The following PTPRM variants were observed in gnomAD, a reference collection of about 807,000 sequenced individuals.
The protein encoded by PTPRM is receptor-type tyrosine-protein phosphatase mu.
In PTPRM, 47 loss-of-function variants were observed where a neutral mutation model predicts 186.7. That is an observed-to-expected ratio of 0.25 (90% CI 0.20 to 0.32). PTPRM has a LOEUF of 0.32. PTPRM is among the 10% of genes least tolerant of loss of function. The probability of loss-of-function intolerance (pLI) is 1.00; values close to 1 mark genes in which losing one functional copy is unlikely to be tolerated. For synonymous variants in PTPRM, 668 were observed against 674.9 expected (o/e 0.99, Z 0.16); for missense variants, 1,494 against 1,865.0 (o/e 0.80, Z 3.66).
intron 2 of PTPRM, among the ~76,000 whole-genome samples, chr18:7,836,123 C>T (rs2046036308): frequency 6.6e-6 from 1 of 152,016 alleles, no homozygotes; most frequent in Non-Finnish European, 1.5e-5. Context: ...AGGACTTACT[C>T]CTGCCATTTT....
intron 19 of PTPRM, among the ~76,000 whole-genome samples, chr18:8,280,410 T>TG (rs34651192): frequency 1.4e-3 from 185 of 136,000 alleles, no homozygotes; most frequent in East Asian, 9.9e-3. Context: ...TGGTCGGGGG[T>TG]GGGGGGGGGG....
chr18:7,907,323 G>A (rs978202965), intron 4 of PTPRM, among the ~76,000 whole-genome samples: 14 of 152,330 alleles, frequency 9.2e-5, no homozygotes, highest in African/African-American at 3.4e-4. Flanking sequence ...GTAGCTGCTT[G>A]AAGCAGAAAA....
chr18:7,717,135 G>T (rs1195852794), intron 1 of PTPRM, among the ~76,000 whole-genome samples: 1 of 152,086 alleles, frequency 6.6e-6, no homozygotes, highest in Admixed American at 6.5e-5. Flanking sequence ...AAAGGGATGG[G>T]GTTTCTGGTG....
In PTPRM at chr18:7,567,975, G is replaced by C. The variant is rs1292547801; in HGVS notation, c.73+84G>C. Reference sequence around the variant, plus strand: ...ACGCCGACAGCTCCCTGGTGGTAGAGCCCTAAGGCTGGCGTCGGGGCCGGG... The same window carrying C: ...ACGCCGACAGCTCCCTGGTGGTAGACCCCTAAGGCTGGCGTCGGGGCCGGG... On this transcript the variant is annotated intron_variant, in intron 1 of 32. Coordinates refer to ENST00000580170, the MANE Select transcript of PTPRM (RefSeq NM_001105244.2). This position sits in a 1 kb window ranked among gnomAD's most constrained non-coding sequence, Gnocchi z 4.3. 7.5e-7 allele frequency: 1 copy of C among 1,336,236 alleles called. No homozygotes were observed. Among genetic ancestry groups the C allele is most frequent in the Non-Finnish European group, 9.8e-7 (1 of 1,022,260 alleles). 82.8% of individuals were successfully genotyped at this position (1,336,236 alleles called of 1,614,324 possible).
chr18:7,981,977 G>C (rs1010739722), intron 7 of PTPRM, among the ~76,000 whole-genome samples: 2 of 152,110 alleles, frequency 1.3e-5, no homozygotes, highest in South Asian at 4.1e-4. Flanking sequence ...AGTTGCTCTG[G>C]GTGTCAGGGA....
chr18:8,378,130 C>G (rs1422319905), intron 26 of PTPRM, 135 bp from the exon 27 acceptor site: 1 of 871,694 alleles, frequency 1.1e-6, no homozygotes, highest in Admixed American at 2.7e-5. Context: ...TCTCCTAGCA[C>G]TTGAGCCCTT....
At chr18:7,739,232 G>A (rs1568066022) in intron 1 of PTPRM, among the ~76,000 whole-genome samples, 1 of 152,034 alleles carries the variant, frequency 6.6e-6, no homozygotes, top group Non-Finnish European at 1.5e-5. Context: ...CCAAACCACA[G>A]TAAAGTGGTC....
At chr18:7,572,913 T>C (rs1466352677) in intron 1 of PTPRM, among the ~76,000 whole-genome samples, 1 of 152,242 alleles carries the variant, frequency 6.6e-6, no homozygotes, top group Non-Finnish European at 1.5e-5. Flanking sequence ...GCTTTTTTGC[T>C]TCCTAAAATA....
chr18:7,705,066 T>TA (rs1314269572), intron 1 of PTPRM, among the ~76,000 whole-genome samples: 2 of 152,070 alleles, frequency 1.3e-5, no homozygotes, highest in Non-Finnish European at 2.9e-5. Context: ...ATGTGAAACA[T>TA]AGGGGGATGG....
At chr18:7,764,424 G>A (rs962627017) in intron 1 of PTPRM, among the ~76,000 whole-genome samples, 19 of 152,198 alleles carry the variant, frequency 1.2e-4, no homozygotes, top group Non-Finnish European at 1.5e-5. Flanking sequence ...AAAAATGTTT[G>A]AGACTACTGA....
intron 1 of PTPRM, among the ~76,000 whole-genome samples, chr18:7,752,641 C>A (rs1463143458): frequency 6.6e-6 from 1 of 151,932 alleles, no homozygotes; most frequent in Non-Finnish European, 1.5e-5. Flanking sequence ...TGGGGTTTCA[C>A]CATGTTGTCC....
chr18:8,145,279 G>T (rs963778703), intron 14 of PTPRM, among the ~76,000 whole-genome samples: 1 of 152,092 alleles, frequency 6.6e-6, no homozygotes, highest in East Asian at 1.9e-4. Context: ...CTACAAAATG[G>T]GGTGGGGGCA....
chr18:8,162,869 C>T (rs2093257007), intron 14 of PTPRM, among the ~76,000 whole-genome samples: 1 of 152,220 alleles, frequency 6.6e-6, no homozygotes, highest in African/African-American at 2.4e-5. Context: ...AGTGTCCAAT[C>T]CACAGCCTGG....
chr18:7,963,722 G>T (rs1326469491), intron 7 of PTPRM, among the ~76,000 whole-genome samples: 1 of 152,194 alleles, frequency 6.6e-6, no homozygotes, highest in African/African-American at 2.4e-5. Flanking sequence ...TCACAGAACC[G>T]TTTCAGGCTG....
At chr18:7,894,996 A>G (rs988875203) in intron 3 of PTPRM, among the ~76,000 whole-genome samples, 3 of 152,240 alleles carry the variant, frequency 2.0e-5, no homozygotes, top group African/African-American at 7.2e-5. Context: ...GATATGAGTG[A>G]AAATTGATTA....
chr18:8,105,914 A>G (rs532673061), intron 11 of PTPRM, among the ~76,000 whole-genome samples: 100 of 152,366 alleles, frequency 6.6e-4, no homozygotes, highest in African/African-American at 2.4e-3. Flanking sequence ...CTAAGGAGTG[A>G]TTATAGACTC....
intron 1 of PTPRM, among the ~76,000 whole-genome samples, chr18:7,639,200 G>A (rs529899245): frequency 4.6e-5 from 7 of 152,022 alleles, no homozygotes; most frequent in Non-Finnish European, 1.0e-4. Context: ...TCAGCCTCCC[G>A]AGTACCTGGG....
chr18:8,211,312 C>G (rs527606350), intron 14 of PTPRM, among the ~76,000 whole-genome samples: 9 of 149,424 alleles, frequency 6.0e-5, no homozygotes, highest in African/African-American at 2.2e-4. Flanking sequence ...GTCATCTCAG[C>G]ATCAGAACAG....
intron 23 of PTPRM, among the ~76,000 whole-genome samples, chr18:8,360,357 G>T (rs537200932): frequency 6.6e-6 from 1 of 151,972 alleles, no homozygotes; most frequent in Non-Finnish European, 1.5e-5. Context: ...CAGTGAGAAG[G>T]TGGAACGGGT....
Sources: gnomAD v4.1 joint callset for allele counts (sites outside exome capture counted in the v4.1 genomes callset) on GRCh38, gnomAD v4.1.1 for gene constraint, Gnocchi (gnomAD v3.1) non-coding constraint, MANE v1.5 for transcripts, NCBI Gene and HGNC (gene_info 2026-07-23, HGNC 2026-07-21) for gene names.